Variants in PARD3 observed in about 807,000 individuals in gnomAD.
The protein encoded by PARD3 is partitioning defective 3 homolog.
In PARD3, 75 loss-of-function variants were observed where a neutral mutation model predicts 155.4. The observed-to-expected ratio is 0.48, with a 90% CI of 0.40 to 0.58. The LOEUF is 0.58. Among genes scored for constraint, PARD3 ranks in the 20% least tolerant of loss-of-function variants. PARD3 has a pLI of 0.00. For missense variants in PARD3, 1,642 were observed against 1,721.7 expected (o/e 0.95, Z 0.82); for synonymous variants, 576 against 610.5 (o/e 0.94, Z 0.83).
intron 22 of PARD3, among the ~76,000 whole-genome samples, chr10:34,216,637 G>C (rs1028502847): frequency 6.6e-6 from 1 of 152,200 alleles, no homozygotes; most frequent in East Asian, 1.9e-4. Context: ...TTTTGCTGTT[G>C]GGTCCCTCTG....
intron 3 of PARD3, among the ~76,000 whole-genome samples, chr10:34,493,828 C>T (rs2080088253): frequency 6.6e-6 from 1 of 151,946 alleles, no homozygotes; most frequent in African/African-American, 2.4e-5. Context: ...TCTTCACGTT[C>T]GAATTATTTT....
At chr10:34,705,753 A>G (rs2094354013) in intron 1 of PARD3, among the ~76,000 whole-genome samples, 1 of 152,166 alleles carries the variant, frequency 6.6e-6, no homozygotes, top group African/African-American at 2.4e-5. Context: ...TACCAATGCC[A>G]AAACCTCAGC....
At position 34,269,736 on chromosome 10, in the gene PARD3, G is replaced by A; in HGVS notation, c.3340C>T (p.Pro1114Ser). 6.2e-7 allele frequency: 1 copy of A among 1,613,936 alleles called. No homozygotes were observed. Among genetic ancestry groups the A allele is most frequent in the Non-Finnish European group, 8.5e-7 (1 of 1,179,950 alleles). ...GCATCCATCATATGCCCTTCTCGTG[G>A]GCTCTGAGGTCTAGCGTTGAGAGCC... ...SMALNARPQS[P>S]REGHMMDALY... Residue 1114 changes from proline (P) to serine (S), a missense_variant, in exon 22 of 25, where the codon CCA (proline) becomes TCA (serine). Coordinates refer to ENST00000374788, the MANE Select transcript of PARD3 (RefSeq NM_001184785.2).
At chr10:34,331,447 A>G in intron 18 of PARD3, 103 bp from the exon 19 acceptor site, 1 of 663,842 alleles carries the variant, frequency 1.5e-6, no homozygotes, top group Non-Finnish European at 2.7e-6. Context: ...TTATTTGCTC[A>G]ATGATGAGTT....
intron 23 of PARD3, among the ~76,000 whole-genome samples, chr10:34,128,744 T>G (rs1246375550): frequency 6.6e-6 from 1 of 152,170 alleles, no homozygotes; most frequent in Admixed American, 6.5e-5. Context: ...CATTTATAGG[T>G]TTCTTGCTTT....
chr10:34,242,478 C>T (rs555296998), intron 22 of PARD3, among the ~76,000 whole-genome samples: 73 of 152,270 alleles, frequency 4.8e-4, no homozygotes, highest in African/African-American at 1.7e-3. Flanking sequence ...ACCCCCAGAC[C>T]AGTTCAACTC....
intron 9 of PARD3, among the ~76,000 whole-genome samples, chr10:34,379,587 T>C (rs1052340497): frequency 6.6e-6 from 1 of 152,138 alleles, no homozygotes; most frequent in African/African-American, 2.4e-5. Context: ...GAACTATGAA[T>C]GCTGACTGTT....
chr10:34,130,389 A>C (rs940768539), intron 23 of PARD3, among the ~76,000 whole-genome samples: 3 of 152,156 alleles, frequency 2.0e-5, no homozygotes, highest in Non-Finnish European at 4.4e-5. Context: ...CCACTAAAGA[A>C]TTAATCCACA....
intron 10 of PARD3, among the ~76,000 whole-genome samples, chr10:34,376,767 G>A (rs1021477795): frequency 4.0e-5 from 6 of 150,390 alleles, no homozygotes; most frequent in Admixed American, 3.9e-4. Context: ...ACTCAATCTG[G>A]AGAGATAGAA....
At chr10:34,352,627 G>C (rs985247194) in intron 14 of PARD3, among the ~76,000 whole-genome samples, 1 of 152,208 alleles carries the variant, frequency 6.6e-6, no homozygotes, top group Non-Finnish European at 1.5e-5. Context: ...GATTGCAGAC[G>C]GAGTCTCGCT....
intron 22 of PARD3, among the ~76,000 whole-genome samples, chr10:34,210,521 C>A (rs1951694943): frequency 6.6e-6 from 1 of 152,048 alleles, no homozygotes; most frequent in Non-Finnish European, 1.5e-5. Context: ...GGTGTTATGA[C>A]CTTTCTACTT....
intron 21 of PARD3, among the ~76,000 whole-genome samples, chr10:34,282,698 T>C (rs1475701401): frequency 6.6e-6 from 1 of 152,130 alleles, no homozygotes; most frequent in Admixed American, 6.6e-5. Context: ...AATTACATAT[T>C]TGCCTGTGGA....
chr10:34,750,234 T>C (rs1218018432), intron 1 of PARD3, among the ~76,000 whole-genome samples: 2 of 151,928 alleles, frequency 1.3e-5, no homozygotes, highest in Non-Finnish European at 2.9e-5. Flanking sequence ...TTTTTAGAAT[T>C]AAAACCAGTT....
chr10:34,134,571 AG>A (rs1207162447), intron 22 of PARD3, among the ~76,000 whole-genome samples: 1 of 152,216 alleles, frequency 6.6e-6, no homozygotes, highest in Non-Finnish European at 1.5e-5. Context: ...GCAAAAGATA[AG>A]TTCTGGAAGT....
intron 20 of PARD3, among the ~76,000 whole-genome samples, chr10:34,303,162 A>ATTTTTTTTTT (rs5784409): frequency 4.5e-5 from 6 of 131,972 alleles, no homozygotes; most frequent in African/African-American, 1.8e-4. Context: ...GCCCAGGTGA[A>ATTTTTTTTTT]TTTTTTTTTT....
chr10:34,288,595 C>G (rs1041320141), intron 20 of PARD3, among the ~76,000 whole-genome samples: 5 of 152,164 alleles, frequency 3.3e-5, no homozygotes, highest in Non-Finnish European at 7.3e-5. Context: ...CATATACTCG[C>G]AAAGACAGTT....
chr10:34,734,581 G>A (rs189100011), intron 1 of PARD3, among the ~76,000 whole-genome samples: 33 of 151,774 alleles, frequency 2.2e-4, no homozygotes, highest in East Asian at 1.9e-3. Flanking sequence ...CTTGTGATCC[G>A]CCCACCTCGG....
rs1342241983 is a variant in PARD3 at position 34,395,840 on chromosome 10, T to C, written c.890+3490A>G. 1.6e-4 allele frequency among the ~76,000 whole-genome samples: 2 copies of C among 12,876 alleles called. 1 individual carries two copies. The highest frequency in any genetic ancestry group is 2.1e-4 in the Non-Finnish European group (2 of 9,642). 8.4% of individuals were successfully genotyped at this position (12,876 alleles called of 152,430 possible). A position where few individuals can be genotyped will look rare whatever the true frequency, so the allele number is the denominator to read the frequency against. On this transcript the variant is annotated intron_variant, in intron 7 of 24. Coordinates refer to ENST00000374788, the MANE Select transcript of PARD3 (RefSeq NM_001184785.2). The stretch of plus-strand genomic sequence containing the variant: ...ACCTGGGCGACAGAGCGAGACTCCG[T>C]CTCAAAAAAAAAAAAAAAAAAAAAA...
intron 24 of PARD3, among the ~76,000 whole-genome samples, chr10:34,118,911 T>C (rs922035457): frequency 6.6e-6 from 1 of 152,236 alleles, no homozygotes; most frequent in Non-Finnish European, 1.5e-5. Context: ...ACATTTTTAT[T>C]CTTTACTATG....
Sources: allele counts gnomAD v4.1 joint callset (sites outside exome capture counted in the v4.1 genomes callset), GRCh38; gene constraint gnomAD v4.1.1; transcripts MANE v1.5; gene names NCBI Gene and HGNC (gene_info 2026-07-23, HGNC 2026-07-21).